INSR: variants seen among roughly 807,000 people sequenced by gnomAD.
INSR encodes the protein insulin receptor.
A neutral mutation model predicts 142.6 loss-of-function variants in INSR; 67 were observed. That is an observed-to-expected ratio of 0.47 (90% CI 0.39 to 0.58). The LOEUF (loss-of-function observed/expected upper bound fraction) is 0.58, where lower values mean the gene tolerates loss of function less well. Among genes scored for constraint, INSR ranks in the 20% least tolerant of loss-of-function variants. The pLI is 0.00. For missense variants in INSR, 1,248 were observed against 1,833.2 expected, an observed-to-expected ratio of 0.68 and a Z score of 5.83; for synonymous variants, 756 against 743.1, an observed-to-expected ratio of 1.02 and a Z score of -0.28.
intron 2 of INSR, among the ~76,000 whole-genome samples, chr19:7,206,959 A>G (rs1276436028): frequency 2.0e-5 from 3 of 152,158 alleles, no homozygotes; most frequent in Non-Finnish European, 4.4e-5. Flanking sequence ...GGGAAAACAC[A>G]AAATCCCCAA....
chr19:7,195,788 A>C (rs1212253698), intron 2 of INSR, among the ~76,000 whole-genome samples: 1 of 152,108 alleles, frequency 6.6e-6, no homozygotes, highest in Non-Finnish European at 1.5e-5. Flanking sequence ...GCCTAGGAAA[A>C]AAAATCTATA....
At position 7,225,705 on chromosome 19, in the gene INSR, C is replaced by CA. The variant is rs927488747; in HGVS notation, c.653-41069_653-41068insT. Among the ~76,000 whole-genome samples, 22 of 131,106 alleles carry CA rather than the reference C, an allele frequency of 1.7e-4. No individual in the cohort carries two copies. In the South Asian group the frequency reaches 2.1e-3, roughly 13 times the overall value. 86.0% of individuals were successfully genotyped at this position (131,106 alleles called of 152,430 possible). On this transcript the variant is annotated intron_variant, in intron 2 of 21. Transcript: ENST00000302850. This position sits in a 1 kb window ranked among gnomAD's most constrained non-coding sequence, Gnocchi z 4.7. ...TGGGCTCTTGGTTTCCATTTCCCCC[C>CA]CCTCAAAAAAAGAGCAGAGAATAAT... is the stretch of plus-strand genomic sequence containing the variant.
At chr19:7,253,004 A>G (rs1976776372) in intron 2 of INSR, among the ~76,000 whole-genome samples, 1 of 151,628 alleles carries the variant, frequency 6.6e-6, no homozygotes, top group African/African-American at 2.4e-5. Flanking sequence ...AGTCCCAGCT[A>G]CTCAGGAGGC....
At chr19:7,289,115 G>T (rs1342220181) in intron 1 of INSR, among the ~76,000 whole-genome samples, 1 of 152,100 alleles carries the variant, frequency 6.6e-6, no homozygotes, top group African/African-American at 2.4e-5. Context: ...CAGGAGGGGG[G>T]ACTGGCAATG....
At chr19:7,287,673 G>A (rs575562852) in intron 1 of INSR, among the ~76,000 whole-genome samples, 1 of 152,244 alleles carries the variant, frequency 6.6e-6, no homozygotes, top group South Asian at 2.1e-4. Flanking sequence ...CGTATATTCA[G>A]TGCAGCAAAT....
intron 2 of INSR, among the ~76,000 whole-genome samples, chr19:7,231,837 C>T (rs1238390643): frequency 1.3e-5 from 2 of 150,834 alleles, no homozygotes; most frequent in Non-Finnish European, 2.9e-5. Context: ...TTCTTGAACT[C>T]CTGAGCTCAA....
chr19:7,242,762 A>G (rs28663279), intron 2 of INSR, among the ~76,000 whole-genome samples: 14,416 of 144,586 alleles, frequency 0.1, 2,420 homozygotes, highest in African/African-American at 0.34. Context: ...AAACAGCTAC[A>G]ACTCTGCAAC....
Position 7,122,935 on chromosome 19 carries a change from G to GCT in INSR, c.3311_3312dup (p.Leu1105SerfsTer2). 6.2e-7 allele frequency: 1 copy of GCT among 1,608,798 alleles called. No homozygotes were observed. Among genetic ancestry groups the GCT allele is most frequent in the South Asian group, 1.1e-5 (1 of 90,326 alleles). On this transcript the variant is annotated frameshift_variant, in exon 18 of 22. Coordinates refer to ENST00000302850, the MANE Select transcript of INSR (RefSeq NM_000208.4). LOFTEE classifies it high-confidence loss of function. ...CTCTTCAGGTCTCCGTGAGCCATCA[G>GCT]CTCCATCACCACCAGCGTGGGCTGG...
chr19:7,222,377 A>C (rs1458193766), intron 2 of INSR, among the ~76,000 whole-genome samples: 1 of 151,732 alleles, frequency 6.6e-6, no homozygotes, highest in Non-Finnish European at 1.5e-5. Context: ...TACACCCAGC[A>C]CCCATCTGGC....
intron 2 of INSR, among the ~76,000 whole-genome samples, chr19:7,190,145 G>A (rs529931268): frequency 7.9e-5 from 12 of 151,698 alleles, no homozygotes; most frequent in South Asian, 6.3e-4. Context: ...CCAGGCATTC[G>A]AGACCAGCCT....
At chr19:7,249,222 G>A (rs979831957) in intron 2 of INSR, among the ~76,000 whole-genome samples, 3 of 151,852 alleles carry the variant, frequency 2.0e-5, no homozygotes, top group African/African-American at 7.3e-5. Flanking sequence ...TTCAGCTATC[G>A]CTCTCCCCGT....
chr19:7,155,103 G>A (rs1226641786), intron 9 of INSR, among the ~76,000 whole-genome samples: 2 of 152,040 alleles, frequency 1.3e-5, no homozygotes, highest in Non-Finnish European at 2.9e-5. Context: ...TTTCATGAAG[G>A]GGTCTCAAAG....
chr19:7,260,110 C>T (rs1023798790), intron 2 of INSR, among the ~76,000 whole-genome samples: 2 of 152,092 alleles, frequency 1.3e-5, no homozygotes. Context: ...TCAAACCCTC[C>T]AAGAGCATGC....
intron 3 of INSR, among the ~76,000 whole-genome samples, chr19:7,180,626 C>T (rs369907726): frequency 1.1e-4 from 17 of 150,512 alleles, no homozygotes; most frequent in South Asian, 2.1e-4. Context: ...TTGACTCAGA[C>T]GGGAAGGATT....
chr19:7,156,430 C>G (rs1568452872), intron 9 of INSR, among the ~76,000 whole-genome samples: 1 of 151,952 alleles, frequency 6.6e-6, no homozygotes, highest in Non-Finnish European at 1.5e-5. Context: ...TGGTTCTCAC[C>G]CAGGGGGTGA....
chr19:7,223,159 G>T (rs1258680193), intron 2 of INSR, among the ~76,000 whole-genome samples: 1 of 152,100 alleles, frequency 6.6e-6, no homozygotes, highest in African/African-American at 2.4e-5. Context: ...CTCCAGCGTG[G>T]GTGACAGAGT....
intron 3 of INSR, among the ~76,000 whole-genome samples, chr19:7,178,424 A>C (rs913611650): frequency 6.6e-6 from 1 of 152,052 alleles, no homozygotes; most frequent in Non-Finnish European, 1.5e-5. Context: ...ACTCCAATTA[A>C]AACTCTGGAT....
chr19:7,130,829 T>C (rs553538832), intron 14 of INSR, among the ~76,000 whole-genome samples: 1 of 151,824 alleles, frequency 6.6e-6, no homozygotes, highest in Non-Finnish European at 1.5e-5. Flanking sequence ...TTTCTCTCTT[T>C]CTTTCCTTTT....
chr19:7,142,683 G>T (rs553815056), intron 12 of INSR, 133 bp downstream of exon 12: 3 of 1,109,362 alleles, frequency 2.7e-6, no homozygotes, highest in African/African-American at 1.5e-5. Context: ...ACAGAGCAAG[G>T]CTCCGTCTCA....
Sources: gnomAD v4.1 joint callset for allele counts (sites outside exome capture counted in the v4.1 genomes callset) on GRCh38, gnomAD v4.1.1 for gene constraint, Gnocchi (gnomAD v3.1) non-coding constraint, MANE v1.5 for transcripts, NCBI Gene and HGNC (gene_info 2026-07-23, HGNC 2026-07-21) for gene names.